Variants in ALDH2 observed in about 807,000 individuals in gnomAD.
The protein encoded by ALDH2 is aldehyde dehydrogenase, mitochondrial.
Under a neutral mutation model 59.6 loss-of-function variants are expected in ALDH2, and 44 were observed. That is an observed-to-expected ratio of 0.74 (90% CI 0.58 to 0.95). ALDH2 has a LOEUF of 0.95. Among genes scored for constraint, ALDH2 ranks in the 40% least tolerant of loss-of-function variants. The pLI is 0.00. For synonymous variants in ALDH2, 291 were observed against 284.0 expected, an observed-to-expected ratio of 1.02 and a Z score of -0.25; for missense variants, 570 against 696.3, an observed-to-expected ratio of 0.82 and a Z score of 2.04.
chr12:111,788,503 G>A (rs2068330309), intron 4 of ALDH2, among the ~76,000 whole-genome samples: 1 of 152,232 alleles, frequency 6.6e-6, no homozygotes, highest in African/African-American at 2.4e-5. Flanking sequence ...GAGCAGCCTG[G>A]TACATCTCAG....
At chr12:111,804,473 C>T (rs933393041) in intron 12 of ALDH2, among the ~76,000 whole-genome samples, 5 of 152,134 alleles carry the variant, frequency 3.3e-5, no homozygotes, top group Admixed American at 6.6e-5. Context: ...TCACCGGGCA[C>T]GGTGGCTCAC....
At chr12:111,807,568 C>T (rs1483780185) in intron 12 of ALDH2, among the ~76,000 whole-genome samples, 2 of 152,004 alleles carry the variant, frequency 1.3e-5, no homozygotes, top group African/African-American at 2.4e-5. Flanking sequence ...AGGATGGCCA[C>T]GTGACAGGGT....
At chr12:111,790,700 G>A in intron 6 of ALDH2, 138 bp downstream of exon 6, 1 of 1,168,630 alleles carries the variant, frequency 8.6e-7, no homozygotes. Flanking sequence ...AACCAGAGTG[G>A]CTCCCTCTTA....
At chr12:111,783,415 G>A (rs2068288187) in intron 3 of ALDH2, 117 bp downstream of exon 3, 7 of 1,302,838 alleles carry the variant, frequency 5.4e-6, no homozygotes, top group East Asian at 2.5e-5. Context: ...CATCTGACAC[G>A]GGACTGATGG....
rs2068530273 is a variant in ALDH2 at position 111,810,799 on chromosome 12, C to T, written c.*1224C>T. ...TGTTGCCCAGGCTGTTTTCAAACTCCTGGACTCAAGTGATCCTCCCGCCTT... is the reference window on the plus strand; with the variant it reads ...TGTTGCCCAGGCTGTTTTCAAACTCTTGGACTCAAGTGATCCTCCCGCCTT... On this transcript the variant is annotated 3_prime_UTR_variant, in exon 13 of 13. Coordinates refer to ENST00000261733, the MANE Select transcript of ALDH2 (RefSeq NM_000690.4). 6.6e-6 allele frequency: 1 copy of T among 152,114 alleles called. No individual in the cohort carries two copies. The highest frequency in any genetic ancestry group is 6.6e-5 in the Admixed American group (1 of 15,236). 9.4% of individuals were successfully genotyped at this position (152,114 alleles called of 1,614,324 possible).
At chr12:111,798,305 C>T in intron 10 of ALDH2, 63 bp downstream of exon 10, 4 of 1,486,546 alleles carry the variant, frequency 2.7e-6, no homozygotes, top group Non-Finnish European at 3.6e-6. Flanking sequence ...AACAGTTCAG[C>T]CTGGCATCCT....
At chr12:111,808,150 C>T (rs552485690) in intron 12 of ALDH2, among the ~76,000 whole-genome samples, 160 of 152,160 alleles carry the variant, frequency 1.1e-3, no homozygotes, top group African/African-American at 3.6e-3. Context: ...TCTGGGATTA[C>T]AGGTGTGAAC....
At chr12:111,804,343 G>A (rs1458062280) in intron 12 of ALDH2, among the ~76,000 whole-genome samples, 1 of 152,168 alleles carries the variant, frequency 6.6e-6, no homozygotes, top group Non-Finnish European at 1.5e-5. Flanking sequence ...TCATTTGCTG[G>A]GCTTCGTTAT....
rs116758112 is a variant in ALDH2 at position 111,785,169 on chromosome 12, C to T, written c.361-98C>T. ...AGCGGACTCTCACCCTGGGCTTGCA[C>T]CAGCCCTTCTCAGTCCCAGCCTTGG... On this transcript the variant is annotated intron_variant, in intron 3 of 12. Transcript: ENST00000261733. 222 of 946,786 alleles carry T rather than the reference C, an allele frequency of 2.3e-4. 2 individuals are homozygous for T. In the African/African-American group the frequency reaches 3.2e-3, roughly 14 times the overall value. 58.6% of individuals were successfully genotyped at this position (946,786 alleles called of 1,614,324 possible).
intron 9 of ALDH2, among the ~76,000 whole-genome samples, chr12:111,797,710 G>C (rs886592808): frequency 1.3e-5 from 2 of 152,138 alleles, no homozygotes; most frequent in East Asian, 3.8e-4. Context: ...TGGGCCAAAG[G>C]ATCTGAGTAT....
intron 1 of ALDH2, among the ~76,000 whole-genome samples, chr12:111,780,322 A>G (rs2068262827): frequency 6.6e-6 from 1 of 152,118 alleles, no homozygotes; most frequent in Non-Finnish European, 1.5e-5. Flanking sequence ...TGGTTGGGTG[A>G]TGGCCTGGTC....
intron 11 of ALDH2, among the ~76,000 whole-genome samples, chr12:111,803,084 G>T (rs7397491): frequency 6.7e-6 from 1 of 150,346 alleles, no homozygotes; most frequent in African/African-American, 2.4e-5. Flanking sequence ...CCAGCTACTC[G>T]GGAGGCTGGA....
In ALDH2 at chr12:111,799,956, T is replaced by C; in HGVS notation, c.1299T>C (p.Val433=). 1 of 1,614,136 alleles carries C rather than the reference T, an allele frequency of 6.2e-7. No homozygotes were observed. The highest frequency in any genetic ancestry group is 1.1e-5 in the South Asian group (1 of 91,074). Residue 433 remains valine, a synonymous_variant, in exon 11 of 13, where the codon GTT becomes GTC. Coordinates refer to ENST00000261733, the MANE Select transcript of ALDH2 (RefSeq NM_000690.4). ...TGAAGTTCAAGACCATAGAGGAGGT[T>C]GTTGGGAGAGCCAACAATTCCACGT... ...QILKFKTIEE[V]VGRANNSTYG...
In ALDH2 at chr12:111,812,217, C is replaced by T. The variant is rs773356411; in HGVS notation, c.*2642C>T. The T allele has an allele frequency of 1.3e-5, 2 of 152,170 alleles. No homozygotes were observed. The highest frequency in any genetic ancestry group is 2.4e-5 in the African/African-American group (1 of 41,390). The allele number at this position is 152,170 out of a possible 1,614,324, so 9.4% of individuals were successfully genotyped here. A position where few individuals can be genotyped will look rare whatever the true frequency, so the allele number is the denominator to read the frequency against. On this transcript the variant is annotated 3_prime_UTR_variant, in exon 13 of 13. Transcript: ENST00000261733. ...ATGGAACATGAAGGCAGACTAGGAG[C>T]GTGACCACTGAAGCACAGCACCACA...
intron 1 of ALDH2, among the ~76,000 whole-genome samples, chr12:111,773,708 C>A (rs1012082691): frequency 6.6e-6 from 1 of 152,090 alleles, no homozygotes; most frequent in Admixed American, 6.6e-5. Context: ...AATGATCAGA[C>A]CATAAGAATG....
intron 1 of ALDH2, among the ~76,000 whole-genome samples, chr12:111,771,237 G>C (rs2068197527): frequency 6.6e-6 from 1 of 151,868 alleles, no homozygotes; most frequent in Admixed American, 6.6e-5. Context: ...CTCTACAAAA[G>C]CTTAAAAAAA....
chr12:111,792,480 C>A, intron 8 of ALDH2, 118 bp from the exon 9 acceptor site: 2 of 1,213,710 alleles, frequency 1.6e-6, no homozygotes, highest in Non-Finnish European at 2.2e-6. Context: ...CTGTCTCTGG[C>A]ACCCAGCAGG....
chr12:111,791,297 T>G lies in ALDH2; in HGVS notation c.682-9T>G. 1 of 1,610,554 alleles carries G rather than the reference T, an allele frequency of 6.2e-7. No individual in the cohort carries two copies. Among genetic ancestry groups the G allele is most frequent in the Non-Finnish European group, 8.5e-7 (1 of 1,177,268 alleles). On this transcript the variant is annotated splice_polypyrimidine_tract_variant and intron_variant, in intron 6 of 12. Transcript: ENST00000261733. Reference sequence around the variant, plus strand: ...TGACTCCCAATGTCCCCTGGCTGTTTGCTCACAGGCTGGCTTTCCCCCTGG... The same window carrying G: ...TGACTCCCAATGTCCCCTGGCTGTTGGCTCACAGGCTGGCTTTCCCCCTGG...
At chr12:111,791,054 A>G (rs1278642996) in intron 6 of ALDH2, among the ~76,000 whole-genome samples, 9 of 152,146 alleles carry the variant, frequency 5.9e-5, no homozygotes. Flanking sequence ...GTCTCAAAAA[A>G]CAAACAAAAA....
Sources: allele counts gnomAD v4.1 joint callset (sites outside exome capture counted in the v4.1 genomes callset), GRCh38; gene constraint gnomAD v4.1.1; transcripts MANE v1.5; gene names NCBI Gene and HGNC (gene_info 2026-07-23, HGNC 2026-07-21).